The following GET1 variants were observed in gnomAD, a reference collection of about 807,000 sequenced individuals.
GET1 encodes guided entry of tail-anchored proteins factor 1, also known as congenital heart disease 5 protein.
Under a neutral mutation model 22.6 loss-of-function variants are expected in GET1, and 20 were observed. The ratio of observed to expected loss-of-function variants is 0.89; its 90% CI spans 0.62 to 1.29. The LOEUF (loss-of-function observed/expected upper bound fraction) is 1.29, where lower values mean the gene tolerates loss of function less well. Ranked by LOEUF, GET1 falls within the 50% of genes most tolerant of loss-of-function variation. GET1 has a pLI of 0.00. For synonymous variants in GET1, 92 were observed against 83.8 expected (o/e 1.10, Z -0.53); for missense variants, 209 against 219.9 (o/e 0.95, Z 0.31).
At chr21:39,391,946 C>T (rs1167774738) in intron 3 of GET1, 110 bp downstream of exon 3, 23 of 1,020,858 alleles carry the variant, frequency 2.3e-5, no homozygotes, top group Middle Eastern at 2.2e-4. Flanking sequence ...CTTCAGCTGT[C>T]GTGTCGTGTG....
downstream of GET1, among the ~76,000 whole-genome samples, chr21:39,409,360 T>C (rs1326040380): frequency 6.6e-6 from 1 of 152,044 alleles, no homozygotes. The surrounding 1 kb of genome is among the most constrained non-coding windows in gnomAD (Gnocchi z 4.2). Flanking sequence ...TATTTTCTTA[T>C]GGCAGCCCAA....
At chr21:39,420,958 T>A in intron 1 of GET1, 1 of 761,192 alleles carries the variant, frequency 1.3e-6, no homozygotes, top group Non-Finnish European at 2.1e-6. Context: ...ACAATTTTAG[T>A]GAATGACTTA....
intron 1 of GET1, chr21:39,422,288 G>A (rs569904297): frequency 1.7e-4 from 26 of 152,322 alleles, no homozygotes; most frequent in African/African-American, 6.3e-4. Context: ...ACTCAAACTA[G>A]CTAATGTAAG....
intron 3 of GET1, 79 bp downstream of exon 3, chr21:39,391,915 T>A: frequency 6.9e-7 from 1 of 1,439,114 alleles, no homozygotes; most frequent in Non-Finnish European, 9.8e-7. Flanking sequence ...GATCCAGGGC[T>A]GGGAGTTCGG....
At position 39,393,207 on chromosome 21, in the gene GET1, C is replaced by T. The variant is rs755024274; in HGVS notation, c.378C>T (p.Val126=). Residue 126 remains valine (V), a synonymous_variant, in exon 4 of 5, where the codon GTC becomes GTT. Transcript: ENST00000649170. ...MISLIWKYYS[V]PVAVVPSKWI... ...CACTCATTTGGAAGTATTATTCTGT[C>T]CCTGTGGCTGTCGTGCCGAGTAAAT... 2.5e-6 allele frequency: 4 copies of T among 1,614,104 alleles called. No homozygotes were observed. Among genetic ancestry groups the T allele is most frequent in the Non-Finnish European group, 3.4e-6 (4 of 1,180,052 alleles).
intron 1 of GET1, among the ~76,000 whole-genome samples, chr21:39,423,856 T>C (rs2074167128): frequency 1.3e-5 from 2 of 152,170 alleles, no homozygotes; most frequent in African/African-American, 4.8e-5. Context: ...ACAGCTAGAC[T>C]AAAAGCTGTG....
At chr21:39,424,037 G>C (rs894692664) in intron 1 of GET1, among the ~76,000 whole-genome samples, 7 of 151,770 alleles carry the variant, frequency 4.6e-5, no homozygotes, top group Non-Finnish European at 1.0e-4. Context: ...TTTTGAGATG[G>C]AGTCTCCCTC....
At chr21:39,406,399 C>T in exon 5 of GET1, 1 of 1,614,140 alleles carries the variant, frequency 6.2e-7, no homozygotes, top group Non-Finnish European at 8.5e-7. Flanking sequence ...CACACCATTT[C>T]TCTGCATGCT....
downstream of GET1, among the ~76,000 whole-genome samples, chr21:39,407,461 A>C (rs147267576): frequency 6.6e-6 from 1 of 152,364 alleles, no homozygotes; most frequent in East Asian, 1.9e-4. Flanking sequence ...ACTTCTTCTT[A>C]GAACGAACCT....
chr21:39,405,759 A>G (rs1387336564), intron 4 of GET1: 1 of 656,888 alleles, frequency 1.5e-6, no homozygotes, highest in African/African-American at 1.8e-5. Context: ...AATTATCGAA[A>G]GTCAATTAAG....
intron 1 of GET1, among the ~76,000 whole-genome samples, chr21:39,420,522 C>CAAAAAAAAAAA (rs397972848): frequency 4.6e-5 from 4 of 87,146 alleles, no homozygotes; most frequent in Admixed American, 1.5e-4. Context: ...GATTCTATCT[C>CAAAAAAAAAAA]AAAAAAAAAA....
intron 1 of GET1, among the ~76,000 whole-genome samples, chr21:39,388,140 C>T (rs2038047904): frequency 6.6e-6 from 1 of 151,946 alleles, no homozygotes; most frequent in Non-Finnish European, 1.5e-5. Flanking sequence ...TTTGGGAGGC[C>T]GAGGCTGGCG....
Position 39,380,332 on chromosome 21 carries a change from G to T in GET1, c.-53G>T, listed in dbSNP as rs570446487. 4.5e-6 allele frequency: 7 copies of T among 1,552,172 alleles called. No homozygotes were observed. In the Admixed American group the frequency reaches 1.2e-4, roughly 26 times the overall value. ...CGCAGGCGCGGTCGCCGCTGTTGTT[G>T]TGGTCCCCATGGAGCTGCCGTAGCG... On this transcript the variant is annotated 5_prime_UTR_variant, in exon 1 of 5. Coordinates refer to ENST00000649170, the MANE Select transcript of GET1 (RefSeq NM_004627.6).
intron 1 of GET1, chr21:39,421,605 T>C (rs2073782213): frequency 6.6e-6 from 1 of 152,196 alleles, no homozygotes; most frequent in Non-Finnish European, 1.5e-5. Flanking sequence ...TGGAGAACTG[T>C]TAGATCTGGA....
At chr21:39,423,740 G>T (rs372710181) in intron 1 of GET1, among the ~76,000 whole-genome samples, 82 of 152,256 alleles carry the variant, frequency 5.4e-4, no homozygotes, top group African/African-American at 1.9e-3. Context: ...TATAGCTGGA[G>T]ATTTTACATC....
intron 1 of GET1, among the ~76,000 whole-genome samples, chr21:39,418,608 C>A: frequency 6.6e-6 from 1 of 152,110 alleles, no homozygotes; most frequent in African/African-American, 2.4e-5. Flanking sequence ...TCAAGCAATT[C>A]TCCTGCCTCA....
intron 4 of GET1, among the ~76,000 whole-genome samples, chr21:39,404,186 C>T (rs895100332): frequency 6.6e-6 from 1 of 152,138 alleles, no homozygotes; most frequent in Admixed American, 6.5e-5. Flanking sequence ...GGGAGTATAG[C>T]CTCCTTTTTA....
At chr21:39,392,424 C>G (rs1238505289) in intron 3 of GET1, among the ~76,000 whole-genome samples, 1 of 152,148 alleles carries the variant, frequency 6.6e-6, no homozygotes, top group Non-Finnish European at 1.5e-5. Context: ...GTAACCAAGG[C>G]AAAGGATTCA....
At chr21:39,396,738 C>G (rs2038681125) in intron 4 of GET1, 128 bp from the exon 5 acceptor site, 2 of 573,476 alleles carry the variant, frequency 3.5e-6, no homozygotes, top group East Asian at 3.6e-5. Flanking sequence ...GAAACATAAA[C>G]TTCACTTCAG....
Sources: gnomAD v4.1 joint callset for allele counts (sites outside exome capture counted in the v4.1 genomes callset) on GRCh38, gnomAD v4.1.1 for gene constraint, Gnocchi (gnomAD v3.1) non-coding constraint, MANE v1.5 for transcripts, NCBI Gene and HGNC (gene_info 2026-07-23, HGNC 2026-07-21) for gene names.